KCTD7: variants seen among roughly 807,000 people sequenced by gnomAD.
KCTD7 encodes BTB/POZ domain-containing protein KCTD7.
KCTD7 carries 15 observed loss-of-function variants against 27.0 expected under a neutral mutation model. The ratio of observed to expected loss-of-function variants is 0.56; its 90% CI spans 0.37 to 0.86. The LOEUF (loss-of-function observed/expected upper bound fraction) is 0.86. Among genes scored for constraint, KCTD7 ranks in the 40% least tolerant of loss-of-function variants. The pLI is 0.00. For missense variants in KCTD7, 299 were observed against 398.9 expected, an observed-to-expected ratio of 0.75 and a Z score of 2.13; for synonymous variants, 159 against 162.7, an observed-to-expected ratio of 0.98 and a Z score of 0.17.
rs998959991 is a variant in KCTD7 at position 66,640,408 on chromosome 7, C to T, written c.*1176C>T. The T allele has an allele frequency of 3.9e-6, 6 of 1,537,204 alleles. No individual in the cohort carries two copies. In the African/African-American group the frequency reaches 4.1e-5, roughly 11 times the overall value. ...CTCTATTTCAGAAATTGAAAAAGAT[C>T]CCCAAGGATCTGTTACTACTGCATT... On this transcript the variant is annotated 3_prime_UTR_variant, in exon 4 of 4. Transcript: ENST00000639828.
chr7:66,640,162 C>G lies in KCTD7; in HGVS notation c.*930C>G, dbSNP rs1169289998. 3.6e-6 allele frequency: 5 copies of G among 1,399,306 alleles called. No individual in the cohort carries two copies. The highest frequency in any genetic ancestry group is 1.5e-5 in the African/African-American group (1 of 68,582). The allele number at this position is 1,399,306 out of a possible 1,614,324, so 86.7% of individuals were successfully genotyped here. A position where few individuals can be genotyped will look rare whatever the true frequency, so the allele number is the denominator to read the frequency against. On this transcript the variant is annotated 3_prime_UTR_variant, in exon 4 of 4. Coordinates refer to ENST00000639828, the MANE Select transcript of KCTD7 (RefSeq NM_153033.5). ...ACCTCTTTGGAAGGGGACCCCCTCT[C>G]TTTAAACCCTGTTCCTCTGTCCTGG...
Position 66,639,415 on chromosome 7 carries a change from T to G in KCTD7, c.*183T>G, listed in dbSNP as rs999586476. On this transcript the variant is annotated 3_prime_UTR_variant, in exon 4 of 4. Coordinates refer to ENST00000639828, the MANE Select transcript of KCTD7 (RefSeq NM_153033.5). ...CAATCTCCCTGACTGCACCTCAGGG[T>G]TGGGCTCAGGGCTTGCGGCCTGCAG... is the stretch of plus-strand genomic sequence containing the variant. 2 of 1,493,278 alleles carry G rather than the reference T, an allele frequency of 1.3e-6. No individual in the cohort carries two copies. The highest frequency in any genetic ancestry group is 4.9e-5 in the East Asian group (2 of 40,442). 92.5% of individuals were successfully genotyped at this position (1,493,278 alleles called of 1,614,324 possible). A position where few individuals can be genotyped will look rare whatever the true frequency, so the allele number is the denominator to read the frequency against.
chr7:66,641,852 T>C lies in KCTD7; in HGVS notation c.*2620T>C, dbSNP rs965300125. 34 of 985,338 alleles carry C rather than the reference T, an allele frequency of 3.5e-5. No homozygotes were observed. Among genetic ancestry groups the C allele is most frequent in the Non-Finnish European group, 3.9e-5 (32 of 829,952 alleles). The allele number at this position is 985,338 out of a possible 1,614,324, so 61.0% of individuals were successfully genotyped here. A position where few individuals can be genotyped will look rare whatever the true frequency, so the allele number is the denominator to read the frequency against. On this transcript the variant is annotated 3_prime_UTR_variant, in exon 4 of 4. Coordinates refer to ENST00000639828, the MANE Select transcript of KCTD7 (RefSeq NM_153033.5). Reference sequence around the variant, plus strand: ...CCCTGTGGAAGTGACTTTTCCCCATTTGATCCCTTTTCAACTCTAAATGGC... The same window carrying C: ...CCCTGTGGAAGTGACTTTTCCCCATCTGATCCCTTTTCAACTCTAAATGGC...
At position 66,641,232 on chromosome 7, in the gene KCTD7, A is replaced by G. The variant is rs1786707657; in HGVS notation, c.*2000A>G. ...GTTAGCCCCAAAACATGGCTCTTGT[A>G]TTGTTCTAAGAGAAAAGGCTTTCAT... On this transcript the variant is annotated 3_prime_UTR_variant, in exon 4 of 4. Transcript: ENST00000639828. 2.0e-6 allele frequency: 2 copies of G among 985,304 alleles called. No individual in the cohort carries two copies. The highest frequency in any genetic ancestry group is 4.7e-5 in the South Asian group (1 of 21,278). 61.0% of individuals were successfully genotyped at this position (985,304 alleles called of 1,614,324 possible).
rs1162733549 is a variant in KCTD7 at position 66,642,491 on chromosome 7, C to G, written c.*3259C>G. The G allele has an allele frequency of 1.0e-6, 1 of 985,300 alleles. No individual in the cohort carries two copies. Among genetic ancestry groups the G allele is most frequent in the Non-Finnish European group, 1.2e-6 (1 of 829,942 alleles). The allele number at this position is 985,300 out of a possible 1,614,324, so 61.0% of individuals were successfully genotyped here. On this transcript the variant is annotated 3_prime_UTR_variant, in exon 4 of 4. Coordinates refer to ENST00000639828, the MANE Select transcript of KCTD7 (RefSeq NM_153033.5). The stretch of plus-strand genomic sequence containing the variant: ...GGCGGTGTGAGCATCCATGTGTGGT[C>G]TTGGTCTAAACCAGCTCTTGAACAG...
At chr7:66,629,950 A>G (rs1786410152) in intron 1 of KCTD7, among the ~76,000 whole-genome samples, 2 of 152,182 alleles carry the variant, frequency 1.3e-5, no homozygotes, top group Non-Finnish European at 2.9e-5. Flanking sequence ...TGATACTATC[A>G]TGTCAACACC....
In KCTD7 at chr7:66,633,595, T is replaced by A. The variant is rs3764902; in HGVS notation, c.314+151T>A. 620 of 281,208 alleles carry A rather than the reference T, an allele frequency of 2.2e-3. 1 individual carries two copies. Among genetic ancestry groups the A allele is most frequent in the South Asian group, 8.2e-3 (106 of 12,894 alleles). The allele number at this position is 281,208 out of a possible 1,614,324, so 17.4% of individuals were successfully genotyped here. A position where few individuals can be genotyped will look rare whatever the true frequency, so the allele number is the denominator to read the frequency against. The stretch of plus-strand genomic sequence containing the variant: ...AATGGGTTTATTGAAAGAGATCAAT[T>A]TTTTTTTTTTTTTTTGCCAAAGGAG... On this transcript the variant is annotated intron_variant, in intron 2 of 3. Coordinates refer to ENST00000639828, the MANE Select transcript of KCTD7 (RefSeq NM_153033.5).
rs387907246 is a variant in KCTD7, at chr7:66,638,912, C to T, written c.550C>T (p.Arg184Cys). The change falls in exon 4 of 4, where the codon CGC becomes TGC. Residue 184 changes from arginine to cysteine, a missense_variant. Transcript: ENST00000639828. Reference sequence around the variant, plus strand: ...GCTGCGTGCGGTCCAGCGGAAGGCCCGCTTTGCCAAGCTCAAGGTCTGTGT... The same window carrying T: ...GCTGCGTGCGGTCCAGCGGAAGGCCTGCTTTGCCAAGCTCAAGGTCTGTGT... ...ARLRAVQRKA[R>C]FAKLKVCVFK... 5.6e-6 allele frequency: 9 copies of T among 1,614,036 alleles called. No homozygotes were observed. The Admixed American group carries it at 6.7e-5, about 12-fold the overall frequency.
rs1786702356 is a variant in KCTD7 at position 66,641,016 on chromosome 7, C to T, written c.*1784C>T. 1.0e-6 allele frequency: 1 copy of T among 985,256 alleles called. No homozygotes were observed. The highest frequency in any genetic ancestry group is 1.7e-5 in the African/African-American group (1 of 57,182). 61.0% of individuals were successfully genotyped at this position (985,256 alleles called of 1,614,324 possible). On this transcript the variant is annotated 3_prime_UTR_variant, in exon 4 of 4. Transcript: ENST00000639828. ...GCTGGACGGCAGTGATCTCCTGTTC[C>T]CTATGTGTAAACAAAGATTCCAGGG... is the stretch of plus-strand genomic sequence containing the variant.
At chr7:66,630,137 TGTGCCTGTAGTCCCAG>T (rs1357979580) in intron 1 of KCTD7, among the ~76,000 whole-genome samples, 1 of 152,082 alleles carries the variant, frequency 6.6e-6, no homozygotes, top group African/African-American at 2.4e-5. Flanking sequence ...CTTGGTGGTG[TGTGCCTGTAGTCCCAG>T]GTGCTCAGGA....
chr7:66,633,447 A>G lies in KCTD7; in HGVS notation c.314+3A>G. The G allele has an allele frequency of 6.2e-7, 1 of 1,614,116 alleles. No homozygotes were observed. Among genetic ancestry groups the G allele is most frequent in the Non-Finnish European group, 8.5e-7 (1 of 1,179,988 alleles). On this transcript the variant is annotated splice_donor_region_variant and intron_variant, in intron 2 of 3. Coordinates refer to ENST00000639828, the MANE Select transcript of KCTD7 (RefSeq NM_153033.5). ...GACCGAGATGGCACACACTTTGGGT[A>G]TGTCTCTCCCTCTACAATCAACTTT...
Position 66,640,864 on chromosome 7 carries a change from G to T in KCTD7, c.*1632G>T, listed in dbSNP as rs932530935. 5 of 985,892 alleles carry T rather than the reference G, an allele frequency of 5.1e-6. No homozygotes were observed. Among genetic ancestry groups the T allele is most frequent in the South Asian group, 9.3e-5 (2 of 21,400 alleles). 61.1% of individuals were successfully genotyped at this position (985,892 alleles called of 1,614,324 possible). A position where few individuals can be genotyped will look rare whatever the true frequency, so the allele number is the denominator to read the frequency against. On this transcript the variant is annotated 3_prime_UTR_variant, in exon 4 of 4. Transcript: ENST00000639828. ...ATAAATAAATAAATAAATTGGGGAG[G>T]ACAGCCTCACTGGTATCAGACTTAC...
Position 66,633,409 on chromosome 7 carries a change from C to T in KCTD7, c.279C>T (p.Gly93=), listed in dbSNP as rs1291973118. ...ACTACATCCCCACGGACTCCGAGGG[C>T]CGGTACTTCATCGACCGAGATGGCA... is the stretch of plus-strand genomic sequence containing the variant. ...GRHYIPTDSE[G]RYFIDRDGTH... Residue 93 remains glycine, a synonymous_variant, in exon 2 of 4, where the codon GGC becomes GGT. Transcript: ENST00000639828. The T allele has an allele frequency of 6.2e-7, 1 of 1,614,104 alleles. No homozygotes were observed. The highest frequency in any genetic ancestry group is 1.3e-5 in the African/African-American group (1 of 75,004).
chr7:66,638,300 G>T lies in KCTD7; in HGVS notation c.362G>T (p.Arg121Leu), dbSNP rs199624315. The change falls in exon 3 of 4, where the codon CGT becomes CTT. Residue 121 changes from arginine to leucine, a missense_variant. Physicochemically the swap from Arg to Leu is moderately radical, Grantham distance 102. Transcript: ENST00000639828. ...LRSGDLPPRE[R>L]VRAVYKEAQY... ...TCAGGGGACCTCCCACCCAGGGAGCGTGTTCGAGCTGTGTACAAAGAGGCC... is the reference window on the plus strand; with the variant it reads ...TCAGGGGACCTCCCACCCAGGGAGCTTGTTCGAGCTGTGTACAAAGAGGCC... The T allele has an allele frequency of 1.4e-4, 219 of 1,614,102 alleles. No homozygotes were observed. The highest frequency in any genetic ancestry group is 1.8e-4 in the Non-Finnish European group (213 of 1,180,060).
Position 66,641,295 on chromosome 7 carries a change from T to C in KCTD7, c.*2063T>C, listed in dbSNP as rs541406239. On this transcript the variant is annotated 3_prime_UTR_variant, in exon 4 of 4. Coordinates refer to ENST00000639828, the MANE Select transcript of KCTD7 (RefSeq NM_153033.5). Reference sequence around the variant, plus strand: ...GATTGGTGTTACCTACTGCCTAATATGTGTTCATTTTTTGACAGAGAGGCA... The same window carrying C: ...GATTGGTGTTACCTACTGCCTAATACGTGTTCATTTTTTGACAGAGAGGCA... The C allele has an allele frequency of 1.0e-6, 1 of 985,328 alleles. No homozygotes were observed. Among genetic ancestry groups the C allele is most frequent in the Non-Finnish European group, 1.2e-6 (1 of 829,898 alleles). The allele number at this position is 985,328 out of a possible 1,614,324, so 61.0% of individuals were successfully genotyped here. A position where few individuals can be genotyped will look rare whatever the true frequency, so the allele number is the denominator to read the frequency against.
At chr7:66,636,813 G>A (rs1786597765) in intron 2 of KCTD7, among the ~76,000 whole-genome samples, 2 of 152,062 alleles carry the variant, frequency 1.3e-5, no homozygotes, top group Non-Finnish European at 2.9e-5. Flanking sequence ...GAATTAGAAG[G>A]ACTGAATTTT....
chr7:66,642,847 G>A lies in KCTD7; in HGVS notation c.*3615G>A. ...TGGGGGTTGGCAGGGGTTGAGGGAG[G>A]TGGGAACAAACAGTGAGTATGGGAA... On this transcript the variant is annotated 3_prime_UTR_variant, in exon 4 of 4. Transcript: ENST00000639828. 1 of 985,384 alleles carries A rather than the reference G, an allele frequency of 1.0e-6. No homozygotes were observed. Among genetic ancestry groups the A allele is most frequent in the Non-Finnish European group, 1.2e-6 (1 of 829,960 alleles). The allele number at this position is 985,384 out of a possible 1,614,324, so 61.0% of individuals were successfully genotyped here. A position where few individuals can be genotyped will look rare whatever the true frequency, so the allele number is the denominator to read the frequency against.
Position 66,640,391 on chromosome 7 carries a change from C to G in KCTD7, c.*1159C>G, listed in dbSNP as rs1461988805. The G allele has an allele frequency of 2.0e-6, 3 of 1,537,306 alleles. No individual in the cohort carries two copies. Among genetic ancestry groups the G allele is most frequent in the Non-Finnish European group, 2.6e-6 (3 of 1,146,920 alleles). On this transcript the variant is annotated 3_prime_UTR_variant, in exon 4 of 4. Transcript: ENST00000639828. ...TTTTGGTTTACTTACTCCTCTATTTCAGAAATTGAAAAAGATCCCCAAGGA... is the reference window on the plus strand; with the variant it reads ...TTTTGGTTTACTTACTCCTCTATTTGAGAAATTGAAAAAGATCCCCAAGGA...
At chr7:66,630,395 A>G (rs1786418580) in intron 1 of KCTD7, among the ~76,000 whole-genome samples, 1 of 152,216 alleles carries the variant, frequency 6.6e-6, no homozygotes, top group Non-Finnish European at 1.5e-5. Context: ...GTCTGGGACC[A>G]GCTTGGGCAA....
Sources: gnomAD v4.1 joint callset for allele counts (sites outside exome capture counted in the v4.1 genomes callset) on GRCh38, gnomAD v4.1.1 for gene constraint, MANE v1.5 for transcripts, NCBI Gene and HGNC (gene_info 2026-07-23, HGNC 2026-07-21) for gene names.